FBXL18: variants seen among roughly 807,000 people sequenced by gnomAD.
The protein encoded by FBXL18 is F-box and leucine rich repeat protein 18, also known as F-box/LRR-repeat protein 18.
A neutral mutation model predicts 46.0 loss-of-function variants in FBXL18; 36 were observed. The ratio of observed to expected loss-of-function variants is 0.78; its 90% CI spans 0.60 to 1.03. FBXL18 has a LOEUF of 1.03. Ranked by LOEUF, FBXL18 falls within the 50% of genes least tolerant of loss-of-function variation. The pLI is 0.00. For synonymous variants in FBXL18, 557 were observed against 465.3 expected (o/e 1.20, Z -2.54); for missense variants, 977 against 1,004.1 (o/e 0.97, Z 0.36).
chr7:5,493,289 C>T (rs1562693905), intron 3 of FBXL18, among the ~76,000 whole-genome samples: 3 of 152,316 alleles, frequency 2.0e-5, no homozygotes, highest in Admixed American at 6.5e-5. Context: ...GAGCTAGGAT[C>T]GTGCCACTGC....
chr7:5,467,702 T>C (rs1021396722), intron 4 of FBXL18, among the ~76,000 whole-genome samples: 2 of 152,064 alleles, frequency 1.3e-5, no homozygotes, highest in African/African-American at 4.8e-5. Flanking sequence ...GTCCTCAAAG[T>C]TCCTCCCCGT....
At position 5,478,700 on chromosome 7, in the gene FBXL18, A is replaced by G. The variant is rs10259680; in HGVS notation, c.*3075T>C. 139,935 of 152,426 alleles carry G rather than the reference A, an allele frequency of 0.92. 64,248 individuals carry two copies. The highest frequency in any genetic ancestry group is 0.96 in the Middle Eastern group (287 of 298). The allele number at this position is 152,426 out of a possible 1,614,324, so 9.4% of individuals were successfully genotyped here. On this transcript the variant is annotated 3_prime_UTR_variant, in exon 5 of 5. Transcript: ENST00000382368. Reference sequence around the variant, plus strand: ...CACACGGAAGACGTGACTCACACACACATGCACACACAGGGCACAGGTACA... The same window carrying G: ...CACACGGAAGACGTGACTCACACACGCATGCACACACAGGGCACAGGTACA...
rs1347375137 is a variant in FBXL18, at chr7:5,501,142, T to G, written c.1127A>C (p.Glu376Ala). 15 of 1,612,946 alleles carry G rather than the reference T, an allele frequency of 9.3e-6. No homozygotes were observed. The highest frequency in any genetic ancestry group is 1.3e-5 in the Non-Finnish European group (15 of 1,179,846). The change falls in exon 3 of 5, where the codon GAG becomes GCG. Residue 376 changes from glutamate to alanine, a missense_variant. Glu to Ala is a moderately radical substitution (Grantham distance 107, BLOSUM62 -1). Transcript: ENST00000382368. ...AEDDIDSSIL[E>A]TLVASCCNLR... ...GTTGCAGCAGGACGCCACCAGAGTC[T>G]CCAGGATGCTGCTGTCGATGTCGTC...
Position 5,505,625 on chromosome 7 carries a change from T to C in FBXL18, c.24A>G (p.Ile8Met). 1.2e-6 allele frequency: 2 copies of C among 1,613,684 alleles called. No individual in the cohort carries two copies. Among genetic ancestry groups the C allele is most frequent in the Non-Finnish European group, 1.7e-6 (2 of 1,179,798 alleles). Residue 8 changes from isoleucine (I) to methionine (M), a missense_variant, in exon 2 of 5, where the codon ATA (isoleucine) becomes ATG (methionine). By Grantham distance (10) the Ile-to-Met change is conservative. Coordinates refer to ENST00000382368, the MANE Select transcript of FBXL18 (RefSeq NM_024963.6). ...GGTGCATGTCATCATCATCATTGGA[T>C]ATGTCCTGAAAATAAGGGGGACACC... MASSGED[I>M]SNDDDDMHPA...
At chr7:5,483,203 G>A (rs942196249) in intron 4 of FBXL18, among the ~76,000 whole-genome samples, 12 of 152,156 alleles carry the variant, frequency 7.9e-5, no homozygotes, top group Admixed American at 2.6e-4. Context: ...CACTTTGGGA[G>A]GCAGAGGCAG....
At chr7:5,502,085 G>A in intron 2 of FBXL18, 54 bp from the exon 3 acceptor site, 6 of 1,344,990 alleles carry the variant, frequency 4.5e-6, no homozygotes, top group East Asian at 5.0e-5. Context: ...AGGCACCTAC[G>A]GGTCTCCAAC....
At chr7:5,494,319 A>C (rs528955827) in intron 3 of FBXL18, among the ~76,000 whole-genome samples, 2 of 151,774 alleles carry the variant, frequency 1.3e-5, no homozygotes, top group East Asian at 3.9e-4. Context: ...CATGCCCATT[A>C]TCCCAGCTAC....
At chr7:5,471,254 G>A (rs1783422472), downstream of FBXL18, among the ~76,000 whole-genome samples, 3 of 152,250 alleles carry the variant, frequency 2.0e-5, no homozygotes, top group South Asian at 2.1e-4. Flanking sequence ...CTCCAGCCAC[G>A]ACTCCCGAGG....
At chr7:5,487,052 G>A (rs1351817624) in intron 4 of FBXL18, among the ~76,000 whole-genome samples, 1 of 152,264 alleles carries the variant, frequency 6.6e-6, no homozygotes, top group African/African-American at 2.4e-5. Flanking sequence ...CGGTTCCCGG[G>A]AGCCCCAGCG....
At chr7:5,505,899 ATTG>A (rs770473756) in intron 1 of FBXL18, among the ~76,000 whole-genome samples, 38 of 152,324 alleles carry the variant, frequency 2.5e-4, no homozygotes, top group Non-Finnish European at 4.4e-4. Flanking sequence ...AAGTTTCACT[ATTG>A]TTGTCCAGGC....
intron 4 of FBXL18, among the ~76,000 whole-genome samples, chr7:5,458,394 G>A (rs895876132): frequency 2.6e-5 from 4 of 151,998 alleles, no homozygotes; most frequent in Admixed American, 2.0e-4. Flanking sequence ...GTGAAACCCC[G>A]TCTCTACTAA....
chr7:5,472,859 G>A (rs929505190), downstream of FBXL18, among the ~76,000 whole-genome samples: 2 of 152,168 alleles, frequency 1.3e-5, no homozygotes, highest in Admixed American at 1.3e-4. Context: ...ACTTGGGAGT[G>A]CCTTGTTATG....
At chr7:5,468,382 G>A (rs935920581) in intron 4 of FBXL18, among the ~76,000 whole-genome samples, 1 of 152,176 alleles carries the variant, frequency 6.6e-6, no homozygotes, top group Admixed American at 6.5e-5. Context: ...CTCCCAAAGT[G>A]CTGGGATTAC....
intron 3 of FBXL18, among the ~76,000 whole-genome samples, chr7:5,497,043 A>G (rs1028885570): frequency 2.0e-5 from 3 of 150,530 alleles, no homozygotes; most frequent in Non-Finnish European, 4.4e-5. Flanking sequence ...AAAAAAAAAA[A>G]AAAAAAAACT....
At chr7:5,488,258 T>C (rs1584212182) in intron 4 of FBXL18, among the ~76,000 whole-genome samples, 1 of 151,530 alleles carries the variant, frequency 6.6e-6, no homozygotes, top group South Asian at 2.1e-4. Context: ...AGGCAGCAGG[T>C]GAATGGAGGA....
Position 5,481,910 on chromosome 7 carries a change from C to G in FBXL18, c.2022G>C (p.Ala674=), listed in dbSNP as rs757464102. 6.2e-7 allele frequency: 1 copy of G among 1,610,072 alleles called. No individual in the cohort carries two copies. Among genetic ancestry groups the G allele is most frequent in the Non-Finnish European group, 8.5e-7 (1 of 1,177,906 alleles). The change falls in exon 5 of 5, where the codon GCG becomes GCC. Residue 674 remains alanine, a synonymous_variant. Coordinates refer to ENST00000382368, the MANE Select transcript of FBXL18 (RefSeq NM_024963.6). The part of the protein sequence containing the change: ...LLRSFQAERP[A]LNVVIFPLLH... The stretch of plus-strand genomic sequence containing the variant: ...GCAGAGGGAAGATGACGACGTTTAA[C>G]GCGGGCCGCTCGGCCTGGAAGCTGA...
At chr7:5,463,497 C>T (rs1783287666) in intron 4 of FBXL18, among the ~76,000 whole-genome samples, 1 of 151,122 alleles carries the variant, frequency 6.6e-6, no homozygotes, top group South Asian at 2.1e-4. Context: ...TGCATGCTTG[C>T]AGTCCCAGCT....
At chr7:5,489,909 C>T (rs1354302702) in intron 4 of FBXL18, 5 of 1,080,920 alleles carry the variant, frequency 4.6e-6, no homozygotes, top group Admixed American at 5.2e-5. Context: ...CCCGCCACTG[C>T]ACTCCAGCCT....
chr7:5,511,683 G>C (rs1175012045), intron 1 of FBXL18, among the ~76,000 whole-genome samples: 1 of 151,460 alleles, frequency 6.6e-6, no homozygotes, highest in Non-Finnish European at 1.5e-5. Context: ...CAGAAGAATG[G>C]TGTGAACCTG....
Sources: gnomAD v4.1 joint callset for allele counts (sites outside exome capture counted in the v4.1 genomes callset) on GRCh38, gnomAD v4.1.1 for gene constraint, MANE v1.5 for transcripts, NCBI Gene and HGNC (gene_info 2026-07-23, HGNC 2026-07-21) for gene names.